Variants in SGCG observed in about 807,000 individuals in gnomAD.
SGCG encodes the protein gamma-sarcoglycan.
SGCG carries 26 observed loss-of-function variants against 29.3 expected under a neutral mutation model. The observed-to-expected ratio is 0.89, with a 90% confidence interval of 0.65 to 1.23. The LOEUF is 1.23. Among genes scored for constraint, SGCG ranks in the 50% most tolerant of loss-of-function variants. SGCG has a pLI of 0.00. For synonymous variants in SGCG, 145 were observed against 129.7 expected (o/e 1.12, Z -0.80); for missense variants, 353 against 356.0 (o/e 0.99, Z 0.07).
intron 3 of SGCG, among the ~76,000 whole-genome samples, chr13:23,242,096 G>A (rs1879536169): frequency 6.6e-6 from 1 of 152,156 alleles, no homozygotes; most frequent in Non-Finnish European, 1.5e-5. Context: ...AAGGGACACT[G>A]CTATGAATCC....
At chr13:23,184,390 G>A (rs781203462) in intron 1 of SGCG, among the ~76,000 whole-genome samples, 6 of 151,392 alleles carry the variant, frequency 4.0e-5, no homozygotes, top group Non-Finnish European at 7.4e-5. Flanking sequence ...TTTTTCTAGA[G>A]GGGGCAGTGA....
chr13:23,232,738 C>T lies in SGCG; in HGVS notation c.196-1873C>T, dbSNP rs978535653. Among the ~76,000 whole-genome samples the T allele has an allele frequency of 1.5e-4, 23 of 152,156 alleles. 1 individual carries two copies. The highest frequency in any genetic ancestry group is 1.6e-4 in the Non-Finnish European group (11 of 68,012). On this transcript the variant is annotated intron_variant, in intron 2 of 7. Transcript: ENST00000218867. ...CGGAGCTTGCAGTGAGCTGAGATCA[C>T]GTCACTGCACTCCAGCCTGGGCGAC...
chr13:23,258,625 C>A (rs1263067371), intron 4 of SGCG, among the ~76,000 whole-genome samples: 2 of 151,148 alleles, frequency 1.3e-5, no homozygotes, highest in African/African-American at 4.8e-5. Context: ...TGTCTTTTGC[C>A]AGTTTTCAAA....
chr13:23,186,668 G>A lies in SGCG; in HGVS notation c.-1+5593G>A, dbSNP rs915504528. On this transcript the variant is annotated intron_variant, in intron 1 of 7. Coordinates refer to ENST00000218867, the MANE Select transcript of SGCG (RefSeq NM_000231.3). Reference sequence around the variant, plus strand: ...GTATCCCCCATCCTCACAGGGGATCGGGGGCCTCAACGGCAGCTTTAAAAG... The same window carrying A: ...GTATCCCCCATCCTCACAGGGGATCAGGGGCCTCAACGGCAGCTTTAAAAG... 4.6e-5 allele frequency among the ~76,000 whole-genome samples: 7 copies of A among 152,144 alleles called. No homozygotes were observed. The South Asian group carries it at 6.2e-4, about 14-fold the overall frequency.
chr13:23,313,221 G>C (rs985583042), intron 6 of SGCG, among the ~76,000 whole-genome samples: 4 of 150,292 alleles, frequency 2.7e-5, no homozygotes, highest in Admixed American at 6.7e-5. Flanking sequence ...CTGGAGTGCA[G>C]TGGCAGGATC....
At chr13:23,222,219 G>A (rs559670193) in intron 2 of SGCG, among the ~76,000 whole-genome samples, 1 of 152,220 alleles carries the variant, frequency 6.6e-6, no homozygotes, top group Non-Finnish European at 1.5e-5. Flanking sequence ...TTAGGTACAC[G>A]TATTGCAACA....
At chr13:23,287,459 C>T (rs79072779) in intron 5 of SGCG, among the ~76,000 whole-genome samples, 9,772 of 152,208 alleles carry the variant, frequency 0.064, 462 homozygotes, top group East Asian at 0.12. Flanking sequence ...TGGCCCTGGG[C>T]TTCCAGACGA....
chr13:23,220,680 C>G (rs1023415049), intron 2 of SGCG, among the ~76,000 whole-genome samples: 1 of 152,126 alleles, frequency 6.6e-6, no homozygotes, highest in Non-Finnish European at 1.5e-5. Context: ...TTTAGATGAT[C>G]AACTCCACCA....
At chr13:23,302,067 G>T (rs1004650151) in intron 6 of SGCG, among the ~76,000 whole-genome samples, 1 of 151,902 alleles carries the variant, frequency 6.6e-6, no homozygotes, top group Non-Finnish European at 1.5e-5. Flanking sequence ...TAAGAAGCAT[G>T]GATATTTGAT....
At chr13:23,197,173 T>C (rs1220768724) in intron 1 of SGCG, among the ~76,000 whole-genome samples, 1 of 152,176 alleles carries the variant, frequency 6.6e-6, no homozygotes, top group Non-Finnish European at 1.5e-5. Flanking sequence ...TCACAACCTG[T>C]AGGGTAAGTC....
intron 2 of SGCG, among the ~76,000 whole-genome samples, chr13:23,216,040 G>A (rs970291897): frequency 6.6e-6 from 1 of 152,090 alleles, no homozygotes. Flanking sequence ...AAACATATTA[G>A]AATCTTGAAC....
At chr13:23,307,554 G>T (rs1392723546) in intron 6 of SGCG, among the ~76,000 whole-genome samples, 1 of 152,128 alleles carries the variant, frequency 6.6e-6, no homozygotes, top group African/African-American at 2.4e-5. Context: ...TTAGAACTAT[G>T]CCCTGTTATG....
At chr13:23,214,550 C>G (rs1300975369) in intron 2 of SGCG, among the ~76,000 whole-genome samples, 1 of 152,228 alleles carries the variant, frequency 6.6e-6, no homozygotes, top group Non-Finnish European at 1.5e-5. Flanking sequence ...CATTTTACCA[C>G]TGGTCTTCCA....
intron 6 of SGCG, among the ~76,000 whole-genome samples, chr13:23,314,384 A>T (rs200912353): frequency 0.018 from 682 of 37,310 alleles, 19 homozygotes; most frequent in African/African-American, 0.049. Context: ...GCTATAGGTT[A>T]TATATATATA....
intron 6 of SGCG, among the ~76,000 whole-genome samples, chr13:23,308,921 T>G (rs868665846): frequency 6.6e-6 from 1 of 151,150 alleles, no homozygotes; most frequent in African/African-American, 2.4e-5. Flanking sequence ...ACTCTCCTGG[T>G]TTTTTTTTAT....
intron 5 of SGCG, among the ~76,000 whole-genome samples, chr13:23,294,953 T>C (rs373960387): frequency 3.5e-4 from 53 of 152,230 alleles, no homozygotes; most frequent in African/African-American, 1.2e-3. Context: ...TTTCTAGGAA[T>C]TAGAAGGTTC....
At chr13:23,191,658 C>T (rs555761145) in intron 1 of SGCG, among the ~76,000 whole-genome samples, 39 of 152,238 alleles carry the variant, frequency 2.6e-4, no homozygotes, top group African/African-American at 8.4e-4. Flanking sequence ...GACATTCAGT[C>T]TGGTTTATAG....
At chr13:23,324,231 G>A in intron 7 of SGCG, 137 bp from the exon 8 acceptor site, 1 of 754,992 alleles carries the variant, frequency 1.3e-6, no homozygotes, top group African/African-American at 1.7e-5. Flanking sequence ...ATTACGAAAT[G>A]AGTTACATAA....
At chr13:23,187,777 A>G (rs1877050428) in intron 1 of SGCG, among the ~76,000 whole-genome samples, 1 of 152,038 alleles carries the variant, frequency 6.6e-6, no homozygotes, top group African/African-American at 2.4e-5. Flanking sequence ...AGCTCAGGTC[A>G]TGATGTGAAA....
Sources: gnomAD v4.1 joint callset for allele counts (sites outside exome capture counted in the v4.1 genomes callset) on GRCh38, gnomAD v4.1.1 for gene constraint, MANE v1.5 for transcripts, NCBI Gene and HGNC (gene_info 2026-07-23, HGNC 2026-07-21) for gene names.